PTPRD: variants seen among roughly 807,000 people sequenced by gnomAD.
PTPRD encodes the protein receptor-type tyrosine-protein phosphatase delta.
A neutral mutation model predicts 214.5 loss-of-function variants in PTPRD; 34 were observed. That is an observed-to-expected ratio of 0.16 (90% CI 0.12 to 0.21). PTPRD has a LOEUF of 0.21. PTPRD is among the 10% of genes least tolerant of loss of function. The probability of loss-of-function intolerance (pLI) is 1.00; values close to 1 mark genes in which losing one functional copy is unlikely to be tolerated. For missense variants in PTPRD, 2,545 were observed against 2,398.7 expected (o/e 1.06, Z -1.27); for synonymous variants, 1,128 against 845.7 (o/e 1.33, Z -5.79).
chr9:10,465,990 T>A (rs897267569), intron 2 of PTPRD, among the ~76,000 whole-genome samples: 1 of 152,200 alleles, frequency 6.6e-6, no homozygotes, highest in Non-Finnish European at 1.5e-5. Flanking sequence ...TTTAGAACTA[T>A]GATTACCGAT....
chr9:9,538,811 G>C (rs1483379696), intron 8 of PTPRD, among the ~76,000 whole-genome samples: 1 of 151,838 alleles, frequency 6.6e-6, no homozygotes, highest in East Asian at 1.9e-4. Flanking sequence ...GAGTCAAGTA[G>C]AACTGAACCT....
chr9:9,665,228 C>A (rs1331736356), intron 7 of PTPRD, among the ~76,000 whole-genome samples: 2 of 151,620 alleles, frequency 1.3e-5, no homozygotes, highest in Admixed American at 6.6e-5. Flanking sequence ...ACGAATAAAA[C>A]CTTAGAATGG....
intron 5 of PTPRD, among the ~76,000 whole-genome samples, chr9:9,830,871 TA>T (rs1012692438): frequency 5.3e-5 from 8 of 151,870 alleles, no homozygotes; most frequent in Non-Finnish European, 7.4e-5. Flanking sequence ...TCTACTTAAT[TA>T]TTTTTTTTTA....
intron 7 of PTPRD, among the ~76,000 whole-genome samples, chr9:9,715,487 T>C (rs968583060): frequency 6.6e-6 from 1 of 152,114 alleles, no homozygotes; most frequent in Non-Finnish European, 1.5e-5. Context: ...AAATAAAAAA[T>C]ATATTTTCTA....
intron 30 of PTPRD, among the ~76,000 whole-genome samples, chr9:8,477,114 T>G (rs2096780722): frequency 6.6e-6 from 1 of 150,428 alleles, no homozygotes; most frequent in Non-Finnish European, 1.5e-5. Context: ...AAGAACTTGC[T>G]TGAAATGAAA....
chr9:9,016,807 G>C (rs1460776145), intron 11 of PTPRD, among the ~76,000 whole-genome samples: 1 of 152,116 alleles, frequency 6.6e-6, no homozygotes, highest in African/African-American at 2.4e-5. Flanking sequence ...CAAGTTCAAA[G>C]TACTTTCAGA....
rs534639276 is a variant in PTPRD, at chr9:8,939,268, A to G, written c.-104+79429T>C. Among the ~76,000 whole-genome samples, 154 of 152,226 alleles carry G rather than the reference A, an allele frequency of 1.0e-3. 1 individual carries two copies. The highest frequency in any genetic ancestry group is 3.6e-3 in the African/African-American group (149 of 41,550). On this transcript the variant is annotated intron_variant, in intron 11 of 45. Coordinates refer to ENST00000381196, the MANE Select transcript of PTPRD (RefSeq NM_002839.4). ...ATGTTTATTTGAACAGCTCATTTAA[A>G]TTCTATGTTCTGAATTGCTTGCAAG...
At chr9:9,962,212 A>G (rs1431181612) in intron 4 of PTPRD, among the ~76,000 whole-genome samples, 1 of 152,134 alleles carries the variant, frequency 6.6e-6, no homozygotes, top group African/African-American at 2.4e-5. Context: ...TACGTCAGGA[A>G]TTTATGACTG....
chr9:10,296,136 C>A (rs995336320), intron 3 of PTPRD, among the ~76,000 whole-genome samples: 1 of 152,054 alleles, frequency 6.6e-6, no homozygotes, highest in Non-Finnish European at 1.5e-5. Flanking sequence ...ACACAATCAG[C>A]TAATTTAATA....
chr9:9,231,663 A>G (rs2099963178), intron 9 of PTPRD, among the ~76,000 whole-genome samples: 1 of 152,104 alleles, frequency 6.6e-6, no homozygotes, highest in Admixed American at 6.6e-5. Context: ...GTTACTTGTA[A>G]TCTCTATTAA....
intron 9 of PTPRD, among the ~76,000 whole-genome samples, chr9:9,305,347 A>G (rs1956800873): frequency 6.6e-6 from 1 of 152,108 alleles, no homozygotes; most frequent in African/African-American, 2.4e-5. Context: ...TAAACAGAAG[A>G]CAGTAAAATT....
intron 8 of PTPRD, among the ~76,000 whole-genome samples, chr9:9,494,284 GTGAC>G (rs1171952033): frequency 2.0e-5 from 3 of 152,350 alleles, no homozygotes; most frequent in Admixed American, 2.0e-4. Context: ...TGATAAAGCA[GTGAC>G]ATGATTTGAG....
chr9:10,548,169 G>A (rs1280838919), intron 2 of PTPRD, among the ~76,000 whole-genome samples: 1 of 152,080 alleles, frequency 6.6e-6, no homozygotes, highest in Non-Finnish European at 1.5e-5. Flanking sequence ...TTAAAGTTGG[G>A]CAAAAGTCTG....
At chr9:9,699,818 G>A (rs964955160) in intron 7 of PTPRD, among the ~76,000 whole-genome samples, 2 of 152,138 alleles carry the variant, frequency 1.3e-5, no homozygotes, top group African/African-American at 2.4e-5. Flanking sequence ...AGAACAATTA[G>A]TCTGTCTAGA....
chr9:9,035,203 T>G (rs2099617758), intron 10 of PTPRD, among the ~76,000 whole-genome samples: 1 of 152,106 alleles, frequency 6.6e-6, no homozygotes, highest in Admixed American at 6.6e-5. Context: ...TTGCCTAGTG[T>G]AAGGATGTAA....
intron 5 of PTPRD, among the ~76,000 whole-genome samples, chr9:9,847,096 T>G (rs2059681070): frequency 2.0e-5 from 3 of 152,170 alleles, no homozygotes; most frequent in Admixed American, 2.0e-4. Context: ...AAATTTTTCT[T>G]TAACTTAAAT....
chr9:9,514,909 A>T (rs1250897283), intron 8 of PTPRD, among the ~76,000 whole-genome samples: 2 of 152,064 alleles, frequency 1.3e-5, no homozygotes, highest in African/African-American at 4.8e-5. Context: ...GTCATACCTA[A>T]ACAAATACTT....
chr9:9,507,301 A>T (rs1490414485), intron 8 of PTPRD, among the ~76,000 whole-genome samples: 1 of 151,282 alleles, frequency 6.6e-6, no homozygotes, highest in Non-Finnish European at 1.5e-5. Context: ...AACTGGGATT[A>T]AATTTGTTAT....
chr9:10,013,868 T>C (rs1389336444), intron 4 of PTPRD, among the ~76,000 whole-genome samples: 1 of 152,000 alleles, frequency 6.6e-6, no homozygotes, highest in South Asian at 2.1e-4. Context: ...AGTCATCTCA[T>C]AGGTTTTTTT....
Sources: gnomAD v4.1 joint callset for allele counts (sites outside exome capture counted in the v4.1 genomes callset) on GRCh38, gnomAD v4.1.1 for gene constraint, MANE v1.5 for transcripts, NCBI Gene and HGNC (gene_info 2026-07-23, HGNC 2026-07-21) for gene names.